Variants in SLC7A8 observed in about 807,000 individuals in gnomAD.
SLC7A8 encodes solute carrier family 7 member 8, also known as large neutral amino acids transporter small subunit 2.
In SLC7A8, 30 loss-of-function variants were observed where a neutral mutation model predicts 51.2. That is an observed-to-expected ratio of 0.59 (90% CI 0.44 to 0.80). The LOEUF (loss-of-function observed/expected upper bound fraction) is 0.80. SLC7A8 is among the 30% of genes least tolerant of loss of function. The pLI, the probability that SLC7A8 is intolerant of heterozygous loss-of-function variation, is 0.00. For missense variants in SLC7A8, 612 were observed against 674.4 expected (o/e 0.91, Z 1.03); for synonymous variants, 257 against 275.8 (o/e 0.93, Z 0.67).
intron 7 of SLC7A8, among the ~76,000 whole-genome samples, chr14:23,136,470 G>A (rs1566358379): frequency 6.6e-6 from 1 of 152,182 alleles, no homozygotes; most frequent in Non-Finnish European, 1.5e-5. Context: ...CGGAGGAGAC[G>A]ATGACATTAA....
At position 23,136,741 on chromosome 14, in the gene SLC7A8, G is replaced by A. The variant is rs1451636224; in HGVS notation, c.1016+1180C>T. On this transcript the variant is annotated intron_variant, in intron 7 of 10. Coordinates refer to ENST00000316902, the MANE Select transcript of SLC7A8 (RefSeq NM_012244.4). ...AGACCGCTGCTAGGCCTGCCTGAGG[G>A]ACAAACCCCACTCTAAAGTGACTGT... 2.6e-5 allele frequency among the ~76,000 whole-genome samples: 4 copies of A among 152,164 alleles called. No individual in the cohort carries two copies. The East Asian group carries it at 7.7e-4, about 29-fold the overall frequency.
intron 3 of SLC7A8, among the ~76,000 whole-genome samples, chr14:23,160,825 A>C (rs1360776480): frequency 2.6e-5 from 4 of 152,152 alleles, no homozygotes; most frequent in Non-Finnish European, 5.9e-5. Flanking sequence ...AGATCACAAA[A>C]GGTATCAAAA....
At chr14:23,140,978 C>T (rs975136922) in intron 4 of SLC7A8, among the ~76,000 whole-genome samples, 3 of 152,232 alleles carry the variant, frequency 2.0e-5, no homozygotes, top group Non-Finnish European at 4.4e-5. Context: ...TAAGTTTCTA[C>T]ATTTTCATGA....
At chr14:23,133,351 G>C (rs1373804173) in intron 7 of SLC7A8, among the ~76,000 whole-genome samples, 1 of 149,774 alleles carries the variant, frequency 6.7e-6, no homozygotes, top group Admixed American at 6.7e-5. Flanking sequence ...TGAGGTGACA[G>C]GATCACATGA....
chr14:23,180,748 T>A (rs139794514), intron 1 of SLC7A8, among the ~76,000 whole-genome samples: 27 of 152,272 alleles, frequency 1.8e-4, no homozygotes, highest in African/African-American at 6.5e-4. Context: ...TAGAAAAAGA[T>A]GTTAAAGGAA....
At chr14:23,161,927 A>C (rs1258605444) in intron 3 of SLC7A8, among the ~76,000 whole-genome samples, 67 of 134,816 alleles carry the variant, frequency 5.0e-4, no homozygotes, top group African/African-American at 1.8e-3. Context: ...ACTCCATCTA[A>C]AAAAAAAAAA....
At chr14:23,164,576 C>T (rs1326969714) in intron 3 of SLC7A8, among the ~76,000 whole-genome samples, 1 of 151,694 alleles carries the variant, frequency 6.6e-6, no homozygotes, top group Non-Finnish European at 1.5e-5. Flanking sequence ...CAGTGAAAAT[C>T]ATAGTGCCTC....
At chr14:23,152,778 AG>A (rs2048858929) in intron 3 of SLC7A8, among the ~76,000 whole-genome samples, 1 of 152,172 alleles carries the variant, frequency 6.6e-6, no homozygotes, top group Admixed American at 6.5e-5. Context: ...CTGGGCCAGC[AG>A]GGGGTCATTT....
chr14:23,133,910 A>G (rs1158995977), intron 7 of SLC7A8, among the ~76,000 whole-genome samples: 3 of 152,164 alleles, frequency 2.0e-5, no homozygotes, highest in African/African-American at 4.8e-5. Flanking sequence ...TATAACATCA[A>G]ATGAAAAAAC....
At chr14:23,158,229 C>A (rs1594835050) in intron 3 of SLC7A8, among the ~76,000 whole-genome samples, 1 of 152,192 alleles carries the variant, frequency 6.6e-6, no homozygotes, top group East Asian at 1.9e-4. Context: ...CCAAGAGTCC[C>A]AATCCCTTTC....
At chr14:23,176,191 C>A (rs1333250444) in intron 1 of SLC7A8, among the ~76,000 whole-genome samples, 1 of 152,218 alleles carries the variant, frequency 6.6e-6, no homozygotes, top group Non-Finnish European at 1.5e-5. Context: ...AATGCAAAAT[C>A]TTCTAAAGTG....
chr14:23,168,978 C>T (rs12894506), intron 1 of SLC7A8, among the ~76,000 whole-genome samples: 37,055 of 152,006 alleles, frequency 0.24, 5,335 homozygotes, highest in East Asian at 0.45. Context: ...CACAGTAGAT[C>T]GGCATTGGAA....
Position 23,128,243 on chromosome 14 carries a change from C to A in SLC7A8, c.1264-47G>T, listed in dbSNP as rs113105106. 1.9e-6 allele frequency: 3 copies of A among 1,608,176 alleles called. No individual in the cohort carries two copies. In the South Asian group the frequency reaches 3.3e-5, roughly 18 times the overall value. On this transcript the variant is annotated intron_variant, in intron 9 of 10. Transcript: ENST00000316902. The surrounding 1 kb of genome is among the most constrained non-coding windows in gnomAD (Gnocchi z 4.3). ...CGTATGAACTGTGTAGGCCACGTGGCCCCCAGGACTAGGGACTGGGGCATT... is the reference window on the plus strand; with the variant it reads ...CGTATGAACTGTGTAGGCCACGTGGACCCCAGGACTAGGGACTGGGGCATT...
intron 10 of SLC7A8, among the ~76,000 whole-genome samples, chr14:23,127,684 T>G (rs1443176757): frequency 6.6e-6 from 1 of 152,240 alleles, no homozygotes; most frequent in Non-Finnish European, 1.5e-5. Context: ...AGTCTTGCTA[T>G]GTCGACCAGG....
In SLC7A8 at chr14:23,128,047, G is replaced by A. The variant is rs2048595204; in HGVS notation, c.1413C>T (p.His471=). 6 of 1,614,032 alleles carry A rather than the reference G, an allele frequency of 3.7e-6. No homozygotes were observed. The highest frequency in any genetic ancestry group is 5.1e-6 in the Non-Finnish European group (6 of 1,180,002). The part of the protein sequence containing the change: ...PVYFLGVYWQ[H]KPKCFSDFIE... ...TGAAGTCACTGAAACACTTGGGCTT[G>A]TGTTGCCAGTAAACACCCAGGAAAT... Residue 471 remains histidine (H), a synonymous_variant, in exon 10 of 11, where the codon CAC becomes CAT. Coordinates refer to ENST00000316902, the MANE Select transcript of SLC7A8 (RefSeq NM_012244.4). This position sits in a 1 kb window ranked among gnomAD's most constrained non-coding sequence, Gnocchi z 4.3.
intron 1 of SLC7A8, among the ~76,000 whole-genome samples, chr14:23,167,846 G>A (rs12887179): frequency 0.025 from 3,775 of 152,178 alleles, 80 homozygotes; most frequent in African/African-American, 0.056. Flanking sequence ...TCTCTGTAGT[G>A]GTCTGGAACC....
chr14:23,180,146 T>C (rs998273303), intron 1 of SLC7A8, among the ~76,000 whole-genome samples: 1 of 152,186 alleles, frequency 6.6e-6, no homozygotes, highest in Admixed American at 6.5e-5. Context: ...GACCTCGTGA[T>C]CCGCCCGCCT....
At chr14:23,163,141 C>T (rs903151180) in intron 3 of SLC7A8, among the ~76,000 whole-genome samples, 4 of 152,268 alleles carry the variant, frequency 2.6e-5, no homozygotes, top group Non-Finnish European at 2.9e-5. Flanking sequence ...GATAAAGTGG[C>T]CCCAGCATCT....
At chr14:23,151,126 G>A (rs568306424) in intron 3 of SLC7A8, among the ~76,000 whole-genome samples, 133 of 152,308 alleles carry the variant, frequency 8.7e-4, no homozygotes, top group Middle Eastern at 3.4e-3. Context: ...GTTGCTGCCC[G>A]TGCTGCCCCA....
Sources: gnomAD v4.1 joint callset for allele counts (sites outside exome capture counted in the v4.1 genomes callset) on GRCh38, gnomAD v4.1.1 for gene constraint, Gnocchi (gnomAD v3.1) non-coding constraint, MANE v1.5 for transcripts, NCBI Gene and HGNC (gene_info 2026-07-23, HGNC 2026-07-21) for gene names.